Variants in ZNF800 observed in about 807,000 individuals in gnomAD.
ZNF800 encodes the protein zinc finger protein 800.
In ZNF800, 13 loss-of-function variants were observed where a neutral mutation model predicts 59.5. The ratio of observed to expected loss-of-function variants is 0.22; its 90% CI spans 0.14 to 0.35. The LOEUF (loss-of-function observed/expected upper bound fraction) is 0.35. ZNF800 is among the 10% of genes least tolerant of loss of function. The pLI, the probability that ZNF800 is intolerant of heterozygous loss-of-function variation, is 1.00. For synonymous variants in ZNF800, 266 were observed against 265.7 expected (o/e 1.00, Z -0.01); for missense variants, 621 against 783.7 (o/e 0.79, Z 2.48).
rs577977623 is a variant in ZNF800, at chr7:127,384,227, C to CTTTTTTTTTTTTTTTTTTTTTTTTTTT, written c.157+1832_157+1833insAAAAAAAAAAAAAAAAAAAAAAAAAAA. 4.7e-4 allele frequency among the ~76,000 whole-genome samples: 30 copies of CTTTTTTTTTTTTTTTTTTTTTTTTTTT among 63,382 alleles called. 4 individuals carry two copies. Among genetic ancestry groups the CTTTTTTTTTTTTTTTTTTTTTTTTTTT allele is most frequent in the Non-Finnish European group, 7.2e-4 (26 of 36,098 alleles). 41.6% of individuals were successfully genotyped at this position (63,382 alleles called of 152,430 possible). On this transcript the variant is annotated intron_variant, in intron 3 of 5. Coordinates refer to ENST00000265827, the MANE Select transcript of ZNF800 (RefSeq NM_176814.5). ...CTTATGACTTAACTAATTCTAACTT[C>CTTTTTTTTTTTTTTTTTTTTTTTTTTT]TTTTTTTTTTTTTTTTTTTTTTTTT...
At chr7:127,343,873 A>T (rs966738998), downstream of ZNF800, among the ~76,000 whole-genome samples, 1 of 152,090 alleles carries the variant, frequency 6.6e-6, no homozygotes, top group Non-Finnish European at 1.5e-5. Flanking sequence ...AGAGAAGTAA[A>T]ATCACATGAT....
At chr7:127,343,476 T>C (rs2116993656), downstream of ZNF800, among the ~76,000 whole-genome samples, 1 of 152,020 alleles carries the variant, frequency 6.6e-6, no homozygotes, top group South Asian at 2.1e-4. Context: ...ATTTTTTAAA[T>C]TGATACTCAA....
At chr7:127,382,102 C>A (rs1029148506) in intron 3 of ZNF800, among the ~76,000 whole-genome samples, 3 of 152,132 alleles carry the variant, frequency 2.0e-5, no homozygotes, top group African/African-American at 7.2e-5. Flanking sequence ...GCATATTCTA[C>A]ATGTAGAATC....
intron 1 of ZNF800, among the ~76,000 whole-genome samples, chr7:127,357,914 G>A (rs1203372496): frequency 1.3e-5 from 2 of 151,796 alleles, no homozygotes; most frequent in Non-Finnish European, 2.9e-5. Flanking sequence ...ACTGAAATAG[G>A]TAGGTATTAT....
intron 3 of ZNF800, among the ~76,000 whole-genome samples, chr7:127,379,844 A>ACCCCCC (rs1562907457): frequency 5.0e-4 from 7 of 13,944 alleles, no homozygotes; most frequent in Non-Finnish European, 9.5e-4. Context: ...CCACCCCCCC[A>ACCCCCC]CCCCCCCACC....
In ZNF800 at chr7:127,374,829, C is replaced by T. The variant is rs2117115606; in HGVS notation, c.507G>A (p.Gln169=). The change falls in exon 5 of 6, where the codon CAG becomes CAA. Residue 169 remains glutamine (Q), a synonymous_variant. Coordinates refer to ENST00000265827, the MANE Select transcript of ZNF800 (RefSeq NM_176814.5). The part of the protein sequence containing the change: ...SSSTPEQTEV[Q]IQETSTEQSK... ...ACTGTTCAGTGCTAGTTTCCTGTAT[C>T]TGAACTTCGGTTTGTTCAGGAGTAC... 6.2e-7 allele frequency: 1 copy of T among 1,613,394 alleles called. No homozygotes were observed. The highest frequency in any genetic ancestry group is 8.5e-7 in the Non-Finnish European group (1 of 1,179,730).
At chr7:127,352,905 C>T (rs17866417) in intron 1 of ZNF800, among the ~76,000 whole-genome samples, 97,010 of 151,538 alleles carry the variant, frequency 0.64, 31,500 homozygotes, top group East Asian at 0.86. Context: ...ATTACACACA[C>T]ACACACACAC....
At chr7:127,361,434 T>C (rs928616649) in intron 1 of ZNF800, 10 of 151,708 alleles carry the variant, frequency 6.6e-5, no homozygotes, top group African/African-American at 2.2e-4. Context: ...TAATAAAAAT[T>C]AGCAAGGTGT....
intron 2 of ZNF800, 128 bp downstream of exon 2, chr7:127,391,369 T>G: frequency 2.2e-6 from 2 of 890,376 alleles, no homozygotes; most frequent in Non-Finnish European, 3.7e-6. Flanking sequence ...ATAACTGGCT[T>G]ATGCTAGGGA....
chr7:127,366,095 A>G (rs983787724), downstream of ZNF800, among the ~76,000 whole-genome samples: 1 of 152,106 alleles, frequency 6.6e-6, no homozygotes, highest in African/African-American at 2.4e-5. Context: ...TAACTTGCCC[A>G]CACTACAGAG....
Position 127,374,018 on chromosome 7 carries a change from T to C in ZNF800, c.1318A>G (p.Lys440Glu), listed in dbSNP as rs769290251. Residue 440 changes from lysine to glutamate, a missense_variant, in exon 5 of 6, where the codon AAA becomes GAA. Physicochemically the swap from Lys to Glu is moderately conservative, Grantham distance 56. Around this residue, in one of 7 missense-constraint regions of ZNF800, gnomAD observed 185 missense variants for 177.6 expected, o/e 1.04. Coordinates refer to ENST00000265827, the MANE Select transcript of ZNF800 (RefSeq NM_176814.5). The part of the protein sequence containing the change: ...ELKGTNHSNE[K>E]KNTPAAQKNK... Reference sequence around the variant, plus strand: ...TTCTGTGCTGCCGGTGTGTTCTTTTTTTCATTTGAATGATTTGTTCCCTTT... The same window carrying C: ...TTCTGTGCTGCCGGTGTGTTCTTTTCTTCATTTGAATGATTTGTTCCCTTT... The C allele has an allele frequency of 6.2e-7, 1 of 1,614,040 alleles. No homozygotes were observed. The highest frequency in any genetic ancestry group is 8.5e-7 in the Non-Finnish European group (1 of 1,180,000).
rs976554003 is a variant in ZNF800, at chr7:127,375,159, G to A, written c.302-125C>T. The A allele has an allele frequency of 5.2e-6, 4 of 764,432 alleles. No homozygotes were observed. The East Asian group carries it at 1.2e-4, about 23-fold the overall frequency. 47.4% of individuals were successfully genotyped at this position (764,432 alleles called of 1,614,324 possible). ...ATATTACCAGTTTATTTTTATAAGA[G>A]CATTATCTACTTTTCAGTATTCTAC... On this transcript the variant is annotated intron_variant, in intron 4 of 5. Transcript: ENST00000265827.
chr7:127,356,451 T>C lies in ZNF800; in HGVS notation n.225-8408A>G, dbSNP rs1800272540. Among the ~76,000 whole-genome samples the C allele has an allele frequency of 2.0e-5, 3 of 152,210 alleles. No individual in the cohort carries two copies. The South Asian group carries it at 6.2e-4, about 32-fold the overall frequency. On this transcript the variant is annotated intron_variant and non_coding_transcript_variant, in intron 1 of 1. Coordinates refer to the ZNF800 transcript ENST00000485577. Reference sequence around the variant, plus strand: ...AATGCAGAAAGCATATATTCTAAAATTCTATTCTACTTTTGATTTTTGTTA... The same window carrying C: ...AATGCAGAAAGCATATATTCTAAAACTCTATTCTACTTTTGATTTTTGTTA...
At chr7:127,365,120 T>C (rs1189435980), downstream of ZNF800, among the ~76,000 whole-genome samples, 2 of 152,120 alleles carry the variant, frequency 1.3e-5, no homozygotes, top group Non-Finnish European at 2.9e-5. Flanking sequence ...GAAAAATCAC[T>C]AAATGCACAC....
chr7:127,346,123 AG>A (rs1800059188), downstream of ZNF800, among the ~76,000 whole-genome samples: 1 of 152,226 alleles, frequency 6.6e-6, no homozygotes, highest in South Asian at 2.1e-4. Context: ...TATCACAAAA[AG>A]GAAGGTTACC....
downstream of ZNF800, among the ~76,000 whole-genome samples, chr7:127,343,349 A>G (rs1800002032): frequency 6.6e-6 from 1 of 151,790 alleles, no homozygotes. Flanking sequence ...TAAAAAGACC[A>G]GAAATGAGAA....
Position 127,373,512 on chromosome 7 carries a change from T to C in ZNF800, c.1824A>G (p.Glu608=), listed in dbSNP as rs760186657. ...GAGAAAAGTTTTTTGTGACTTTTACTTCAATACCGACGTCAGCTACTTCAT... is the reference window on the plus strand; with the variant it reads ...GAGAAAAGTTTTTTGTGACTTTTACCTCAATACCGACGTCAGCTACTTCAT... The part of the protein sequence containing the change: ...KKYEVADVGI[E]VKVTKNFSLH... Residue 608 remains glutamate, a synonymous_variant, in exon 5 of 6, where the codon GAA becomes GAG. Transcript: ENST00000265827. 1.1e-5 allele frequency: 18 copies of C among 1,614,062 alleles called. No individual in the cohort carries two copies. The highest frequency in any genetic ancestry group is 3.3e-5 in the South Asian group (3 of 91,090).
rs182405321 is a variant in ZNF800, at chr7:127,371,415, T to G, written c.*399A>C. 2.1e-4 allele frequency: 34 copies of G among 160,456 alleles called. 1 individual carries two copies. The highest frequency in any genetic ancestry group is 3.1e-4 in the Non-Finnish European group (23 of 73,536). The allele number at this position is 160,456 out of a possible 1,614,324, so 9.9% of individuals were successfully genotyped here. ...GTTGCCAAATAAAGAGAAACAAAAC[T>G]AAAATCACTAAGATATAAAGTCTTT... On this transcript the variant is annotated 3_prime_UTR_variant, in exon 6 of 6. Transcript: ENST00000265827.
downstream of ZNF800, among the ~76,000 whole-genome samples, chr7:127,365,599 C>T (rs958489422): frequency 6.6e-6 from 1 of 152,086 alleles, no homozygotes; most frequent in Admixed American, 6.6e-5. Context: ...CAAAACTACA[C>T]ATTGTTCAAT....
Sources: gnomAD v4.1 joint callset for allele counts (sites outside exome capture counted in the v4.1 genomes callset) on GRCh38, gnomAD v4.1.1 for gene constraint, gnomAD v4.1.1 regional missense constraint, MANE v1.5 for transcripts, NCBI Gene and HGNC (gene_info 2026-07-23, HGNC 2026-07-21) for gene names.